The following CHTF8 variants were observed in gnomAD, a reference collection of about 807,000 sequenced individuals.
The protein encoded by CHTF8 is chromosome transmission fidelity protein 8 homolog.
Under a neutral mutation model 11.0 loss-of-function variants are expected in CHTF8, and 6 were observed. That is an observed-to-expected ratio of 0.55 (90% CI 0.30 to 1.08). CHTF8 has a LOEUF of 1.08. Ranked by LOEUF, CHTF8 falls within the 50% of genes least tolerant of loss-of-function variation. The pLI is 0.07. For missense variants in CHTF8, 140 were observed against 153.1 expected, an observed-to-expected ratio of 0.91 and a Z score of 0.45; for synonymous variants, 53 against 60.5, an observed-to-expected ratio of 0.88 and a Z score of 0.57.
intron 1 of CHTF8, among the ~76,000 whole-genome samples, chr16:69,126,868 G>C (rs1962096461): frequency 1.3e-5 from 2 of 152,162 alleles, no homozygotes; most frequent in African/African-American, 4.8e-5. Context: ...GGGCACAGTA[G>C]GTAGGGATTC....
chr16:69,121,248 C>G, intron 2 of CHTF8, 78 bp from the exon 3 acceptor site: 1 of 1,374,854 alleles, frequency 7.3e-7, no homozygotes, highest in South Asian at 1.3e-5. Flanking sequence ...CCATTTGAGG[C>G]CCAAAGGACC....
At chr16:69,122,669 C>T (rs112359842) in intron 1 of CHTF8, among the ~76,000 whole-genome samples, 2 of 151,868 alleles carry the variant, frequency 1.3e-5, no homozygotes, top group African/African-American at 4.8e-5. Context: ...GCCTCCCGAG[C>T]AGCTGGGATT....
In CHTF8 at chr16:69,119,261, C is replaced by T. The variant is rs866331174; in HGVS notation, c.*1164G>A. On this transcript the variant is annotated 3_prime_UTR_variant, in exon 4 of 4. Transcript: ENST00000448552. ...ATGGTTGGATTTGAGCCCTGGAGGC[C>T]AGCGGACCTTTGGAAGGTAGCTGGG... The T allele has an allele frequency of 7.1e-6, 5 of 703,066 alleles. No individual in the cohort carries two copies. Among genetic ancestry groups the T allele is most frequent in the Non-Finnish European group, 1.3e-5 (5 of 385,006 alleles). The allele number at this position is 703,066 out of a possible 1,614,324, so 43.6% of individuals were successfully genotyped here. A position where few individuals can be genotyped will look rare whatever the true frequency, so the allele number is the denominator to read the frequency against.
intron 1 of CHTF8, among the ~76,000 whole-genome samples, chr16:69,126,740 G>A (rs547937273): frequency 1.4e-4 from 22 of 152,306 alleles, no homozygotes; most frequent in Non-Finnish European, 3.1e-4. Context: ...ACGTAGAGGA[G>A]GGCATCCTTT....
At chr16:69,124,107 G>C (rs571133105) in intron 1 of CHTF8, among the ~76,000 whole-genome samples, 4 of 148,230 alleles carry the variant, frequency 2.7e-5, no homozygotes, top group East Asian at 4.0e-4. Flanking sequence ...CTGTCTCAAA[G>C]GGGAAAAAAA....
In CHTF8 at chr16:69,130,600, A is replaced by G. The variant is rs144220096; in HGVS notation, c.-36+1884T>C. ...GTTTAACCTCACGTGTTTTCCTAAC[A>G]ATACACTGGGCATAAACACCTATTT... On this transcript the variant is annotated intron_variant, in intron 1 of 3. Coordinates refer to ENST00000448552, the MANE Select transcript of CHTF8 (RefSeq NM_001039690.5). Among the ~76,000 whole-genome samples, 34 of 152,312 alleles carry G rather than the reference A, an allele frequency of 2.2e-4. No individual in the cohort carries two copies. In the East Asian group the frequency reaches 6.4e-3, roughly 28 times the overall value.
intron 1 of CHTF8, among the ~76,000 whole-genome samples, chr16:69,130,771 A>G (rs1962441601): frequency 6.6e-6 from 1 of 152,240 alleles, no homozygotes. Context: ...TCTTAATACT[A>G]CACTGTGTTA....
Position 69,119,764 on chromosome 16 carries a change from G to A in CHTF8, c.*661C>T, listed in dbSNP as rs1961482407. On this transcript the variant is annotated 3_prime_UTR_variant, in exon 4 of 4. Coordinates refer to ENST00000448552, the MANE Select transcript of CHTF8 (RefSeq NM_001039690.5). ...TGGAAACACACCTGACCTGGGGGCA[G>A]GGTTTGTCCCTAAAAAGCCTGATCT... is the stretch of plus-strand genomic sequence containing the variant. 1 of 698,008 alleles carries A rather than the reference G, an allele frequency of 1.4e-6. No homozygotes were observed. The highest frequency in any genetic ancestry group is 1.5e-5 in the South Asian group (1 of 67,488). 43.2% of individuals were successfully genotyped at this position (698,008 alleles called of 1,614,324 possible). A position where few individuals can be genotyped will look rare whatever the true frequency, so the allele number is the denominator to read the frequency against.
chr16:69,131,934 T>C (rs1385535007), intron 1 of CHTF8, among the ~76,000 whole-genome samples: 1 of 151,734 alleles, frequency 6.6e-6, no homozygotes, highest in Non-Finnish European at 1.5e-5. Context: ...ATTACAAATG[T>C]TACCTGGAAC....
At chr16:69,128,867 C>T (rs1273277398) in intron 1 of CHTF8, among the ~76,000 whole-genome samples, 1 of 151,986 alleles carries the variant, frequency 6.6e-6, no homozygotes, top group Non-Finnish European at 1.5e-5. Flanking sequence ...AGTTCGAAAT[C>T]AGCTTGACCA....
chr16:69,122,244 G>C (rs1300205650), intron 1 of CHTF8, among the ~76,000 whole-genome samples: 1 of 152,134 alleles, frequency 6.6e-6, no homozygotes, highest in Admixed American at 6.5e-5. Flanking sequence ...ATGGTCAACT[G>C]TATGTGCAAA....
In CHTF8 at chr16:69,118,536, G is replaced by C. The variant is rs1961345872; in HGVS notation, c.*1889C>G. On this transcript the variant is annotated 3_prime_UTR_variant, in exon 4 of 4. Coordinates refer to ENST00000448552, the MANE Select transcript of CHTF8 (RefSeq NM_001039690.5). ...CAGGCCAATGTATCCCTGAGGAAAA[G>C]TCCACAAGAACAATTCAAGAAACTA... 1 of 907,080 alleles carries C rather than the reference G, an allele frequency of 1.1e-6. No individual in the cohort carries two copies. 56.2% of individuals were successfully genotyped at this position (907,080 alleles called of 1,614,324 possible).
At chr16:69,126,123 G>A (rs1230803687) in intron 1 of CHTF8, among the ~76,000 whole-genome samples, 1 of 152,162 alleles carries the variant, frequency 6.6e-6, no homozygotes, top group Admixed American at 6.5e-5. Context: ...TCCTGGATGG[G>A]TACAAGTGAC....
chr16:69,131,856 A>T (rs550143095), intron 1 of CHTF8, among the ~76,000 whole-genome samples: 1 of 151,028 alleles, frequency 6.6e-6, no homozygotes, highest in South Asian at 2.1e-4. Context: ...TCCCTCCCAC[A>T]AAAGAACCTG....
intron 1 of CHTF8, among the ~76,000 whole-genome samples, chr16:69,130,653 G>T (rs1962431891): frequency 6.6e-6 from 1 of 152,198 alleles, no homozygotes; most frequent in South Asian, 2.1e-4. Flanking sequence ...AACGAGTAAT[G>T]AATGTAAAGC....
rs562295595 is a variant in CHTF8 at position 69,119,361 on chromosome 16, C to T, written c.*1064G>A. ...CCCTGGGAAAGGGATTGGCATTTAC[C>T]CCCATGGGGCCAACTGGCCTTGAGA... On this transcript the variant is annotated 3_prime_UTR_variant, in exon 4 of 4. Transcript: ENST00000448552. 31 of 703,046 alleles carry T rather than the reference C, an allele frequency of 4.4e-5. No individual in the cohort carries two copies. Among genetic ancestry groups the T allele is most frequent in the South Asian group, 4.3e-4 (29 of 67,596 alleles). The allele number at this position is 703,046 out of a possible 1,614,324, so 43.6% of individuals were successfully genotyped here.
At chr16:69,121,588 C>T (rs1349336630) in intron 1 of CHTF8, 95 bp from the exon 2 acceptor site, 1 of 688,794 alleles carries the variant, frequency 1.5e-6, no homozygotes, top group Non-Finnish European at 2.5e-6. Flanking sequence ...ATCGATTCTC[C>T]TGCCTCAGCC....
At position 69,118,126 on chromosome 16, in the gene CHTF8, C is replaced by T; in HGVS notation, c.*2299G>A. 2.5e-6 allele frequency: 1 copy of T among 406,594 alleles called. No individual in the cohort carries two copies. The highest frequency in any genetic ancestry group is 4.5e-5 in the South Asian group (1 of 22,006). The allele number at this position is 406,594 out of a possible 1,614,324, so 25.2% of individuals were successfully genotyped here. A position where few individuals can be genotyped will look rare whatever the true frequency, so the allele number is the denominator to read the frequency against. Reference sequence around the variant, plus strand: ...ACAGTGATTTCTTCCCTTCATCCCCCACCCCCACCCTAATTCCCATATTCC... The same window carrying T: ...ACAGTGATTTCTTCCCTTCATCCCCTACCCCCACCCTAATTCCCATATTCC... On this transcript the variant is annotated 3_prime_UTR_variant, in exon 4 of 4. Coordinates refer to ENST00000448552, the MANE Select transcript of CHTF8 (RefSeq NM_001039690.5).
Position 69,119,453 on chromosome 16 carries a change from G to C in CHTF8, c.*972C>G. On this transcript the variant is annotated 3_prime_UTR_variant, in exon 4 of 4. Coordinates refer to ENST00000448552, the MANE Select transcript of CHTF8 (RefSeq NM_001039690.5). Reference sequence around the variant, plus strand: ...ATGGGAGATGGATTTGGCCCTGGAAGGCCAATTCCCCGAGAGCTAGGACCC... The same window carrying C: ...ATGGGAGATGGATTTGGCCCTGGAACGCCAATTCCCCGAGAGCTAGGACCC... The C allele has an allele frequency of 2.8e-6, 2 of 703,008 alleles. No individual in the cohort carries two copies. Among genetic ancestry groups the C allele is most frequent in the Non-Finnish European group, 5.2e-6 (2 of 385,032 alleles). The allele number at this position is 703,008 out of a possible 1,614,324, so 43.5% of individuals were successfully genotyped here.
Sources: allele counts gnomAD v4.1 joint callset (sites outside exome capture counted in the v4.1 genomes callset), GRCh38; gene constraint gnomAD v4.1.1; transcripts MANE v1.5; gene names NCBI Gene and HGNC (gene_info 2026-07-23, HGNC 2026-07-21).